The following KLHL1 variants were observed in gnomAD, a reference collection of about 807,000 sequenced individuals.
KLHL1 encodes the protein kelch like family member 1.
In KLHL1, 47 loss-of-function variants were observed where a neutral mutation model predicts 77.7. The observed-to-expected ratio is 0.60, with a 90% CI of 0.48 to 0.77. The LOEUF (loss-of-function observed/expected upper bound fraction) is 0.77, where lower values mean the gene tolerates loss of function less well. KLHL1 is among the 30% of genes least tolerant of loss of function. The pLI is 0.00. For missense variants in KLHL1, 925 were observed against 910.8 expected (o/e 1.02, Z -0.20); for synonymous variants, 360 against 325.2 (o/e 1.11, Z -1.15).
intron 4 of KLHL1, among the ~76,000 whole-genome samples, chr13:69,890,889 T>G (rs2138208905): frequency 6.6e-6 from 1 of 152,204 alleles, no homozygotes; most frequent in Middle Eastern, 3.4e-3. Flanking sequence ...TGCATACATT[T>G]TAATCTTATA....
At chr13:69,783,335 G>C (rs1325229286) in intron 7 of KLHL1, among the ~76,000 whole-genome samples, 2 of 152,186 alleles carry the variant, frequency 1.3e-5, no homozygotes, top group Non-Finnish European at 2.9e-5. Flanking sequence ...GAATGACTTT[G>C]ATGAGTTGAG....
At chr13:69,818,550 C>A (rs1297061952) in intron 6 of KLHL1, among the ~76,000 whole-genome samples, 3 of 152,158 alleles carry the variant, frequency 2.0e-5, no homozygotes, top group Admixed American at 2.0e-4. Context: ...AAGATGGATG[C>A]AAATGCAGAT....
intron 4 of KLHL1, among the ~76,000 whole-genome samples, chr13:69,912,319 C>T (rs1882265078): frequency 6.6e-6 from 1 of 152,112 alleles, no homozygotes; most frequent in Non-Finnish European, 1.5e-5. Flanking sequence ...GTACATTTAT[C>T]CCTTCTGATA....
At chr13:69,867,614 A>G (rs1880412259) in intron 5 of KLHL1, among the ~76,000 whole-genome samples, 1 of 152,066 alleles carries the variant, frequency 6.6e-6, no homozygotes, top group Non-Finnish European at 1.5e-5. Context: ...TAATTTGATT[A>G]CTTAAAAATG....
At chr13:69,945,797 A>G (rs769366600) in intron 3 of KLHL1, among the ~76,000 whole-genome samples, 4 of 152,142 alleles carry the variant, frequency 2.6e-5, no homozygotes, top group Non-Finnish European at 4.4e-5. Flanking sequence ...TATCTCTCCT[A>G]TGATTCAGCC....
intron 5 of KLHL1, among the ~76,000 whole-genome samples, chr13:69,850,665 T>C (rs1323705305): frequency 2.0e-5 from 3 of 151,726 alleles, no homozygotes; most frequent in African/African-American, 7.2e-5. Context: ...AGCTATCATA[T>C]ACAGAATTCA....
At chr13:70,063,044 G>A (rs540318925) in intron 1 of KLHL1, among the ~76,000 whole-genome samples, 5 of 152,050 alleles carry the variant, frequency 3.3e-5, no homozygotes, top group Admixed American at 1.3e-4. Flanking sequence ...TACCTAGGAC[G>A]GTTAAATTTG....
At chr13:69,803,044 A>T (rs915683449) in intron 6 of KLHL1, 1 of 152,206 alleles carries the variant, frequency 6.6e-6, no homozygotes, top group Non-Finnish European at 1.5e-5. Flanking sequence ...AGCCTTAAAC[A>T]GAAGTATTCA....
chr13:70,069,580 C>A (rs9572348), intron 1 of KLHL1, among the ~76,000 whole-genome samples: 20,658 of 152,068 alleles, frequency 0.14, 1,822 homozygotes, highest in East Asian at 0.42. Flanking sequence ...ATGGTAATAG[C>A]AGACAACATG....
intron 1 of KLHL1, among the ~76,000 whole-genome samples, chr13:70,104,916 T>C (rs1689554167): frequency 1.3e-5 from 2 of 152,240 alleles, no homozygotes; most frequent in African/African-American, 4.8e-5. Flanking sequence ...CTACTTTTAC[T>C]GCATATTAAA....
At chr13:69,722,433 T>A (rs1347546643) in intron 8 of KLHL1, among the ~76,000 whole-genome samples, 23 of 151,952 alleles carry the variant, frequency 1.5e-4, no homozygotes, top group Non-Finnish European at 8.8e-5. Context: ...TGAACAGACC[T>A]ATATCTATCT....
At chr13:70,043,904 T>C (rs1250080365) in intron 1 of KLHL1, among the ~76,000 whole-genome samples, 1 of 152,190 alleles carries the variant, frequency 6.6e-6, no homozygotes, top group East Asian at 1.9e-4. Context: ...ACTTCTAATC[T>C]GACTCATCAT....
intron 4 of KLHL1, among the ~76,000 whole-genome samples, chr13:69,919,184 G>T (rs1382552754): frequency 6.6e-6 from 1 of 152,108 alleles, no homozygotes; most frequent in African/African-American, 2.4e-5. Flanking sequence ...AAGAAACATA[G>T]AAACGGTATT....
chr13:70,056,358 A>C (rs1886744463), intron 1 of KLHL1, among the ~76,000 whole-genome samples: 1 of 152,182 alleles, frequency 6.6e-6, no homozygotes, highest in African/African-American at 2.4e-5. Context: ...ATTAGAGCTA[A>C]AGAAAGAGAC....
rs1270436268 is a variant in KLHL1 at position 69,924,642 on chromosome 13, C to A, written c.1014+15398G>T. The stretch of plus-strand genomic sequence containing the variant: ...TGGGCACGGGACAAGAACTCAGGAC[C>A]CACCAAATGGTGGGGCTGAAAGCTG... On this transcript the variant is annotated intron_variant, in intron 4 of 10. Transcript: ENST00000377844. Among the ~76,000 whole-genome samples, 3 of 152,178 alleles carry A rather than the reference C, an allele frequency of 2.0e-5. No individual in the cohort carries two copies. In the East Asian group the frequency reaches 5.8e-4, roughly 29 times the overall value.
intron 6 of KLHL1, among the ~76,000 whole-genome samples, chr13:69,813,465 CAT>C (rs1401865235): frequency 1.0e-4 from 15 of 143,240 alleles, no homozygotes; most frequent in African/African-American, 3.7e-4. Context: ...AAAATACACA[CAT>C]ATATACACAC....
chr13:69,743,442 C>G (rs1396713096), intron 7 of KLHL1, among the ~76,000 whole-genome samples: 1 of 152,052 alleles, frequency 6.6e-6, no homozygotes, highest in Non-Finnish European at 1.5e-5. Flanking sequence ...TTCTGGGAGT[C>G]TTGCTGTTGG....
chr13:69,970,004 C>A (rs1884332489), intron 2 of KLHL1, among the ~76,000 whole-genome samples: 1 of 151,824 alleles, frequency 6.6e-6, no homozygotes, highest in African/African-American at 2.4e-5. Flanking sequence ...TTTTTTAAAT[C>A]TATTTTTTAG....
At chr13:69,838,293 T>G (rs1345587052) in intron 6 of KLHL1, among the ~76,000 whole-genome samples, 1 of 151,810 alleles carries the variant, frequency 6.6e-6, no homozygotes, top group African/African-American at 2.4e-5. Flanking sequence ...AATTATATCA[T>G]TTATTAGAAA....
Sources: gnomAD v4.1 joint callset for allele counts (sites outside exome capture counted in the v4.1 genomes callset) on GRCh38, gnomAD v4.1.1 for gene constraint, MANE v1.5 for transcripts, NCBI Gene and HGNC (gene_info 2026-07-23, HGNC 2026-07-21) for gene names.